GOLGA3: variants seen among roughly 807,000 people sequenced by gnomAD.
GOLGA3 encodes golgin A3, also known as golgin subfamily A member 3.
In GOLGA3, 75 loss-of-function variants were observed where a neutral mutation model predicts 169.4. The ratio of observed to expected loss-of-function variants is 0.44; its 90% CI spans 0.37 to 0.54. The LOEUF is 0.54. Among genes scored for constraint, GOLGA3 ranks in the 20% least tolerant of loss-of-function variants. The probability of loss-of-function intolerance (pLI) is 0.00; values close to 1 mark genes in which losing one functional copy is unlikely to be tolerated. For synonymous variants in GOLGA3, 824 were observed against 822.4 expected, an observed-to-expected ratio of 1.00 and a Z score of -0.03; for missense variants, 1,899 against 1,930.0, an observed-to-expected ratio of 0.98 and a Z score of 0.30.
At chr12:132,795,178 T>C (rs1593293591) in intron 11 of GOLGA3, among the ~76,000 whole-genome samples, 2 of 120,026 alleles carry the variant, frequency 1.7e-5, no homozygotes, top group Non-Finnish European at 1.7e-5. Context: ...AGAGTGAGAC[T>C]CCATCTCAAA....
chr12:132,791,714 A>C (rs1420493791), intron 11 of GOLGA3, among the ~76,000 whole-genome samples: 1 of 121,924 alleles, frequency 8.2e-6, no homozygotes, highest in Non-Finnish European at 1.7e-5. Flanking sequence ...CAGCAGGGGG[A>C]CACATCTACA....
At chr12:132,826,793 CAGT>C (rs1950432369) in intron 1 of GOLGA3, among the ~76,000 whole-genome samples, 1 of 152,184 alleles carries the variant, frequency 6.6e-6, no homozygotes, top group African/African-American at 2.4e-5. Flanking sequence ...TGGAATGACT[CAGT>C]CGTCAGGGCC....
At chr12:132,773,315 A>C in intron 23 of GOLGA3, 21 bp from the exon 24 acceptor site, 1 of 1,355,980 alleles carries the variant, frequency 7.4e-7, no homozygotes, top group Non-Finnish European at 9.7e-7. Context: ...AGAAGGAGGA[A>C]GAAGGCCCAG....
rs1191800370 is a variant in GOLGA3 at position 132,772,561 on chromosome 12, A to AC, written c.*543_*544insG. Reference sequence around the variant, plus strand: ...TCTGTCTCAAAAAAAAAAAAAAAAAAAAAACAAAGATTGGATTATGATATT... The same window carrying AC: ...TCTGTCTCAAAAAAAAAAAAAAAAAACAAAACAAAGATTGGATTATGATATT... On this transcript the variant is annotated 3_prime_UTR_variant, in exon 24 of 24. Transcript: ENST00000450791. The AC allele has an allele frequency of 5.3e-5, 8 of 152,124 alleles. No homozygotes were observed. Among genetic ancestry groups the AC allele is most frequent in the Non-Finnish European group, 1.2e-4 (8 of 68,018 alleles). 9.4% of individuals were successfully genotyped at this position (152,124 alleles called of 1,614,324 possible). A position where few individuals can be genotyped will look rare whatever the true frequency, so the allele number is the denominator to read the frequency against.
In GOLGA3 at chr12:132,773,352, C is replaced by T. The variant is rs779662104; in HGVS notation, c.4308-58G>A. Reference sequence around the variant, plus strand: ...TCACACAAGTGCCAGGCAGAACGCGCCACCTGTGGACAGCGTCACTCGCTA... The same window carrying T: ...TCACACAAGTGCCAGGCAGAACGCGTCACCTGTGGACAGCGTCACTCGCTA... On this transcript the variant is annotated intron_variant, in intron 23 of 23. Transcript: ENST00000450791. The T allele has an allele frequency of 4.0e-5, 45 of 1,138,676 alleles. No homozygotes were observed. The South Asian group carries it at 6.7e-4, about 17-fold the overall frequency. 70.5% of individuals were successfully genotyped at this position (1,138,676 alleles called of 1,614,324 possible).
chr12:132,814,195 G>C (rs1949856173), intron 3 of GOLGA3, among the ~76,000 whole-genome samples: 1 of 149,632 alleles, frequency 6.7e-6, no homozygotes, highest in South Asian at 2.1e-4. Flanking sequence ...TGACGACTTT[G>C]GTATTTTTAG....
chr12:132,812,733 A>C (rs1370136254), intron 4 of GOLGA3, among the ~76,000 whole-genome samples: 1 of 152,256 alleles, frequency 6.6e-6, no homozygotes, highest in Non-Finnish European at 1.5e-5. Context: ...AAATGCCATC[A>C]AATAGCACCG....
At chr12:132,788,692 G>A (rs1258684226) in intron 13 of GOLGA3, among the ~76,000 whole-genome samples, 1 of 152,200 alleles carries the variant, frequency 6.6e-6, no homozygotes. Context: ...GACAGCCGCT[G>A]TCCTCTCACA....
chr12:132,798,450 G>T lies in GOLGA3; in HGVS notation c.1828C>A (p.Leu610Met). Residue 610 changes from leucine (L) to methionine (M), a missense_variant, in exon 9 of 24, where the codon CTG (leucine) becomes ATG (methionine). Coordinates refer to ENST00000450791, the MANE Select transcript of GOLGA3 (RefSeq NM_001389683.1). ...QVGQMTQAGL[L>M]EHLKLENVSL... is the part of the protein sequence containing the mutation. ...ACATTCTCGAGTTTCAGGTGCTCCA[G>T]GAGACCTGCCTGGGTCATCTGTCCA... 1 of 1,612,960 alleles carries T rather than the reference G, an allele frequency of 6.2e-7. No homozygotes were observed. Among genetic ancestry groups the T allele is most frequent in the Non-Finnish European group, 8.5e-7 (1 of 1,179,660 alleles).
intron 11 of GOLGA3, among the ~76,000 whole-genome samples, chr12:132,794,779 C>G (rs899281722): frequency 2.0e-5 from 3 of 152,194 alleles, no homozygotes; most frequent in African/African-American, 4.8e-5. Flanking sequence ...AATGACCTGT[C>G]TGAGTGCCTC....
intron 3 of GOLGA3, among the ~76,000 whole-genome samples, chr12:132,814,371 G>A (rs576743843): frequency 1.3e-5 from 2 of 152,278 alleles, no homozygotes; most frequent in Admixed American, 6.5e-5. Flanking sequence ...AGCTGGAGCC[G>A]TGCCGAGCAC....
At position 132,801,890 on chromosome 12, in the gene GOLGA3, G is replaced by C; in HGVS notation, c.1677C>G (p.Ser559Arg). 6.2e-7 allele frequency: 1 copy of C among 1,603,610 alleles called. No homozygotes were observed. The change falls in exon 8 of 24, where the codon AGC becomes AGG. Residue 559 changes from serine (S) to arginine (R), a missense_variant. Ser to Arg is a moderately radical substitution (Grantham distance 110, BLOSUM62 -1). Transcript: ENST00000450791. ...TCTCCGCCTGCGACGCCTTCAGCTTGCTGGTCAGCGTCGTCCGCTCCAGCT... is the reference window on the plus strand; with the variant it reads ...TCTCCGCCTGCGACGCCTTCAGCTTCCTGGTCAGCGTCGTCCGCTCCAGCT... ...QVQLERTTLT[S>R]KLKASQAEIS...
Position 132,816,699 on chromosome 12 carries a change from C to A in GOLGA3, c.247G>T (p.Asp83Tyr). 6.2e-7 allele frequency: 1 copy of A among 1,614,112 alleles called. No homozygotes were observed. The highest frequency in any genetic ancestry group is 2.2e-5 in the East Asian group (1 of 44,888). Residue 83 changes from aspartate (D) to tyrosine (Y), a missense_variant, in exon 3 of 24, where the codon GAT becomes TAT. By Grantham distance (160) the Asp-to-Tyr change is radical (BLOSUM62 -3). Transcript: ENST00000450791. ...PPFPDPPSSL[D>Y]PTTSPVGPDA... ...GGGCCCACTGGGCTTGTGGTGGGAT[C>A]GAGAGACGACGGAGGGTCTGGGAAG... is the stretch of plus-strand genomic sequence containing the variant.
intron 1 of GOLGA3, among the ~76,000 whole-genome samples, chr12:132,828,054 C>A (rs566209035): frequency 6.6e-6 from 1 of 152,316 alleles, no homozygotes; most frequent in South Asian, 2.1e-4. Context: ...ACTGTGGCCA[C>A]ATCCTCCGCC....
intron 13 of GOLGA3, 95 bp from the exon 14 acceptor site, chr12:132,786,882 G>A (rs2045932292): frequency 4.7e-6 from 4 of 844,030 alleles, no homozygotes; most frequent in East Asian, 2.4e-5. Context: ...CAAAGGCACT[G>A]CTCAGGCTCG....
In GOLGA3 at chr12:132,786,478, T is replaced by G. The variant is rs1250989210; in HGVS notation, c.2984A>C (p.Lys995Thr). 6.2e-7 allele frequency: 1 copy of G among 1,613,722 alleles called. No individual in the cohort carries two copies. The highest frequency in any genetic ancestry group is 8.5e-7 in the Non-Finnish European group (1 of 1,179,982). The change falls in exon 15 of 24, where the codon AAA (lysine) becomes ACA (threonine). Residue 995 changes from lysine (K) to threonine (T), a missense_variant. Lys to Thr is a moderately conservative substitution (Grantham distance 78). Coordinates refer to ENST00000450791, the MANE Select transcript of GOLGA3 (RefSeq NM_001389683.1). The part of the protein sequence containing the change: ...LTSAQKEMKT[K>T]HKAYENAVGI... The stretch of plus-strand genomic sequence containing the variant: ...CACGGCGTTCTCGTAGGCCTTATGT[T>G]TGGTCTTCATCTCCTTCTGGGCGCT...
At position 132,801,719 on chromosome 12, in the gene GOLGA3, T is replaced by C. The variant is rs369904041; in HGVS notation, c.1800+48A>G. ...TCTCAGGAAAAAGCACCGTTCTACA[T>C]GAAGACAAGAAGCGTGACCTGCCCT... is the stretch of plus-strand genomic sequence containing the variant. On this transcript the variant is annotated intron_variant, in intron 8 of 23. Coordinates refer to ENST00000450791, the MANE Select transcript of GOLGA3 (RefSeq NM_001389683.1). 62 of 1,529,320 alleles carry C rather than the reference T, an allele frequency of 4.1e-5. No homozygotes were observed. The African/African-American group carries it at 6.6e-4, about 16-fold the overall frequency. 94.7% of individuals were successfully genotyped at this position (1,529,320 alleles called of 1,614,324 possible).
intron 3 of GOLGA3, among the ~76,000 whole-genome samples, chr12:132,814,248 T>C (rs865879422): frequency 2.0e-5 from 3 of 151,834 alleles, no homozygotes; most frequent in African/African-American, 7.2e-5. Flanking sequence ...GGTCTCGAAC[T>C]CCCGACCTGA....
At chr12:132,819,906 G>A (rs867457588) in intron 2 of GOLGA3, among the ~76,000 whole-genome samples, 3 of 152,214 alleles carry the variant, frequency 2.0e-5, no homozygotes, top group Non-Finnish European at 2.9e-5. Context: ...GCAACAGGGC[G>A]CGGTGGCTCA....
Sources: allele counts gnomAD v4.1 joint callset (sites outside exome capture counted in the v4.1 genomes callset), GRCh38; gene constraint gnomAD v4.1.1; transcripts MANE v1.5; gene names NCBI Gene and HGNC (gene_info 2026-07-23, HGNC 2026-07-21).